EML5: variants seen among roughly 807,000 people sequenced by gnomAD.
The protein encoded by EML5 is EMAP like 5.
In EML5, 120 loss-of-function variants were observed where a neutral mutation model predicts 250.0. The ratio of observed to expected loss-of-function variants is 0.48; its 90% CI spans 0.41 to 0.56. EML5 has a LOEUF of 0.56. Ranked by LOEUF, EML5 falls within the 20% of genes least tolerant of loss-of-function variation. EML5 has a pLI of 0.00. For missense variants in EML5, 2,006 were observed against 2,437.6 expected (o/e 0.82, Z 3.73); for synonymous variants, 771 against 806.5 (o/e 0.96, Z 0.75).
chr14:88,792,157 A>G lies in EML5; in HGVS notation c.197+150T>C. ...GGGGAAAGGCATTTGTAGGGTGTTA[A>G]CTGGTGGACTCGGGACCAGAGAGAC... On this transcript the variant is annotated intron_variant, in intron 1 of 43. Transcript: ENST00000554922. The surrounding 1 kb of genome is among the most constrained non-coding windows in gnomAD (Gnocchi z 6.9). The G allele has an allele frequency of 2.2e-6, 2 of 899,620 alleles. No individual in the cohort carries two copies. The highest frequency in any genetic ancestry group is 3.3e-6 in the Non-Finnish European group (2 of 614,292). The allele number at this position is 899,620 out of a possible 1,614,324, so 55.7% of individuals were successfully genotyped here.
chr14:88,703,778 A>C (rs2093263890), intron 13 of EML5, among the ~76,000 whole-genome samples: 1 of 152,156 alleles, frequency 6.6e-6, no homozygotes, highest in South Asian at 2.1e-4. Flanking sequence ...TTTTGGTGAA[A>C]TTAAAATATT....
chr14:88,733,331 T>C (rs1373613700), intron 7 of EML5, among the ~76,000 whole-genome samples: 1 of 152,230 alleles, frequency 6.6e-6, no homozygotes, highest in Non-Finnish European at 1.5e-5. Context: ...TTTGGCACAA[T>C]GCCCCTAAAT....
intron 14 of EML5, among the ~76,000 whole-genome samples, chr14:88,699,476 A>C (rs914202523): frequency 1.3e-5 from 2 of 152,080 alleles, no homozygotes; most frequent in African/African-American, 4.8e-5. Flanking sequence ...CTTATCATTT[A>C]TAGCTTGTGG....
chr14:88,687,190 A>C, intron 19 of EML5, 26 bp downstream of exon 19: 1 of 1,554,780 alleles, frequency 6.4e-7, no homozygotes, highest in Non-Finnish European at 8.8e-7. Flanking sequence ...TTTCCTATAC[A>C]AAAACCCCAC....
chr14:88,664,369 G>T, intron 23 of EML5, 124 bp downstream of exon 23: 1 of 726,288 alleles, frequency 1.4e-6, no homozygotes, highest in Non-Finnish European at 2.0e-6. Context: ...ATAATTTTGA[G>T]AATAATGGTT....
At chr14:88,735,430 A>G (rs546807162) in intron 7 of EML5, among the ~76,000 whole-genome samples, 1 of 152,358 alleles carries the variant, frequency 6.6e-6, no homozygotes, top group Admixed American at 6.5e-5. Context: ...AGGTCAAAGA[A>G]AAAAATGTCC....
chr14:88,708,728 G>A (rs986482551), intron 10 of EML5, among the ~76,000 whole-genome samples: 1 of 152,060 alleles, frequency 6.6e-6, no homozygotes, highest in Admixed American at 6.6e-5. Context: ...GGAAGTCTGA[G>A]CATTCCACCA....
chr14:88,773,432 A>G (rs1478599362), intron 1 of EML5, among the ~76,000 whole-genome samples: 1 of 152,240 alleles, frequency 6.6e-6, no homozygotes, highest in East Asian at 1.9e-4. Flanking sequence ...GTATTTAAGG[A>G]GGTCCCAGTA....
intron 10 of EML5, among the ~76,000 whole-genome samples, chr14:88,708,483 T>C (rs1044548108): frequency 2.6e-5 from 4 of 152,150 alleles, no homozygotes; most frequent in African/African-American, 9.7e-5. Flanking sequence ...CATTAGATAT[T>C]TGAAGAAAGA....
At chr14:88,770,093 C>T (rs764091169) in intron 1 of EML5, among the ~76,000 whole-genome samples, 12 of 151,750 alleles carry the variant, frequency 7.9e-5, no homozygotes, top group Non-Finnish European at 1.2e-4. Context: ...GCTTGTGAAA[C>T]GGCCGCTGAA....
rs372617526 is a variant in EML5 at position 88,695,407 on chromosome 14, C to T, written c.2392G>A (p.Val798Ile). Residue 798 changes from valine (V) to isoleucine (I), a missense_variant, in exon 16 of 44, where the codon GTT becomes ATT. Around this residue, in one of 7 missense-constraint regions of EML5, gnomAD observed 1,375 missense variants for 1,590.3 expected, o/e 0.86. Transcript: ENST00000554922. ...ASVGIDDSHT[V>I]VLWDWKKGEK... is the part of the protein sequence containing the mutation. ...CCTTTCTTCCAGTCCCAGAGCACAA[C>T]AGTATGGCTATCATCTATGCCAACT... is the stretch of plus-strand genomic sequence containing the variant. 7.4e-6 allele frequency: 12 copies of T among 1,612,582 alleles called. No homozygotes were observed. Among genetic ancestry groups the T allele is most frequent in the Middle Eastern group, 1.6e-4 (1 of 6,080 alleles).
At chr14:88,699,330 T>C (rs1018685583) in intron 14 of EML5, among the ~76,000 whole-genome samples, 1 of 151,848 alleles carries the variant, frequency 6.6e-6, no homozygotes, top group Non-Finnish European at 1.5e-5. Flanking sequence ...TAGAAAGAGA[T>C]AAAAAGGGGA....
At position 88,642,991 on chromosome 14, in the gene EML5, C is replaced by T. The variant is rs370919746; in HGVS notation, c.4139G>A (p.Arg1380Gln). The part of the protein sequence containing the change: ...DLVLELIFGY[R>Q]GRDCRNNVHY... ...AACATTATTCCTACAGTCTCTGCCT[C>T]GATAACCAAAAATGAGCTCCAACAC... Residue 1380 changes from arginine to glutamine, a missense_variant, in exon 31 of 44, where the codon CGA becomes CAA. Physicochemically the swap from Arg to Gln is conservative, Grantham distance 43. This residue lies in a region of EML5 where 1,375 missense variants were observed against 1,590.3 expected (regional missense o/e 0.86). Transcript: ENST00000554922. 18 of 1,593,366 alleles carry T rather than the reference C, an allele frequency of 1.1e-5. No homozygotes were observed. The highest frequency in any genetic ancestry group is 1.7e-4 in the Middle Eastern group (1 of 6,030).
rs758330893 is a variant in EML5 at position 88,754,655 on chromosome 14, C to T, written c.214G>A (p.Glu72Lys). The change falls in exon 2 of 44, where the codon GAA (glutamate) becomes AAA (lysine). Residue 72 changes from glutamate to lysine, a missense_variant. Transcript: ENST00000554922. ...DDIISLALHP[E>K]RVLVATGQVG... ...TGTCCTGTTGCTACCAACACTCGTTCAGGATGCAATGCAAGGCTGTAAAAT... is the reference window on the plus strand; with the variant it reads ...TGTCCTGTTGCTACCAACACTCGTTTAGGATGCAATGCAAGGCTGTAAAAT... 6.2e-7 allele frequency: 1 copy of T among 1,609,836 alleles called. No homozygotes were observed. The highest frequency in any genetic ancestry group is 8.5e-7 in the Non-Finnish European group (1 of 1,178,170).
intron 23 of EML5, among the ~76,000 whole-genome samples, chr14:88,664,275 C>CAAAAAAAAAAAAAAA (rs35920066): frequency 1.9e-5 from 2 of 105,706 alleles, no homozygotes; most frequent in Non-Finnish European, 4.3e-5. Context: ...AGACCTGTCT[C>CAAAAAAAAAAAAAAA]AAAAAAAAAA....
In EML5 at chr14:88,687,331, T is replaced by TG. The variant is rs1270472236; in HGVS notation, c.2743-5dup. 1 of 1,569,160 alleles carries TG rather than the reference T, an allele frequency of 6.4e-7. No individual in the cohort carries two copies. Among genetic ancestry groups the TG allele is most frequent in the Non-Finnish European group, 8.6e-7 (1 of 1,162,732 alleles). ...CTTTTCCTCCAGTTACAAACCCCTA[T>TG]GGAAAAAAAAAGGTTCAAGTTAATA... On this transcript the variant is annotated splice_region_variant and splice_polypyrimidine_tract_variant and intron_variant, in intron 18 of 43. Transcript: ENST00000554922.
At position 88,706,353 on chromosome 14, in the gene EML5, C is replaced by A. The variant is rs766139901; in HGVS notation, c.1731G>T (p.Trp577Cys). 1.2e-6 allele frequency: 2 copies of A among 1,609,056 alleles called. No individual in the cohort carries two copies. Among genetic ancestry groups the A allele is most frequent in the African/African-American group, 1.3e-5 (1 of 74,718 alleles). Reference sequence around the variant, plus strand: ...GATCTGCTCCACCAATAGAAATAACCCACTGATAATCATGTGACCATCTGA... The same window carrying A: ...GATCTGCTCCACCAATAGAAATAACACACTGATAATCATGTGACCATCTGA... ...TNVRWSHDYQWVISIGGADHS... is the reference protein window; with the variant it reads ...TNVRWSHDYQCVISIGGADHS... The change falls in exon 11 of 44, where the codon TGG (tryptophan) becomes TGT (cysteine). Residue 577 changes from tryptophan (W) to cysteine (C), a missense_variant. Trp to Cys is a radical substitution (Grantham distance 215). This residue lies in a region of EML5 where 1,375 missense variants were observed against 1,590.3 expected (regional missense o/e 0.86). Transcript: ENST00000554922.
At chr14:88,786,946 C>T (rs1021094206) in intron 1 of EML5, among the ~76,000 whole-genome samples, 2 of 152,186 alleles carry the variant, frequency 1.3e-5, no homozygotes, top group Non-Finnish European at 2.9e-5. Flanking sequence ...GAACTGATAA[C>T]CACTGGATTT....
chr14:88,783,167 T>C (rs1295704844), intron 1 of EML5, among the ~76,000 whole-genome samples: 1 of 152,196 alleles, frequency 6.6e-6, no homozygotes, highest in East Asian at 1.9e-4. Flanking sequence ...GGAGCCCTCA[T>C]GGAGAACCTC....
Sources: gnomAD v4.1 joint callset for allele counts (sites outside exome capture counted in the v4.1 genomes callset) on GRCh38, gnomAD v4.1.1 for gene constraint, gnomAD v4.1.1 regional missense constraint, Gnocchi (gnomAD v3.1) non-coding constraint, MANE v1.5 for transcripts, NCBI Gene and HGNC (gene_info 2026-07-23, HGNC 2026-07-21) for gene names.